Variants in TMEM161B observed in about 807,000 individuals in gnomAD.
TMEM161B encodes transmembrane protein 161B.
TMEM161B carries 34 observed loss-of-function variants against 61.8 expected under a neutral mutation model. The observed-to-expected ratio is 0.55, with a 90% CI of 0.42 to 0.73. The LOEUF (loss-of-function observed/expected upper bound fraction) is 0.73, where lower values mean the gene tolerates loss of function less well. Ranked by LOEUF, TMEM161B falls within the 30% of genes least tolerant of loss-of-function variation. The pLI, the probability that TMEM161B is intolerant of heterozygous loss-of-function variation, is 0.00. For missense variants in TMEM161B, 456 were observed against 558.5 expected (o/e 0.82, Z 1.85); for synonymous variants, 167 against 192.8 (o/e 0.87, Z 1.11).
chr5:88,234,684 T>C (rs1469486063), intron 2 of TMEM161B, among the ~76,000 whole-genome samples: 1 of 152,154 alleles, frequency 6.6e-6, no homozygotes, highest in African/African-American at 2.4e-5. Flanking sequence ...TAAAAGTCAT[T>C]AGAATGTAGC....
At chr5:88,237,446 G>A (rs1580607201) in intron 2 of TMEM161B, among the ~76,000 whole-genome samples, 2 of 152,184 alleles carry the variant, frequency 1.3e-5, no homozygotes, top group African/African-American at 4.8e-5. Flanking sequence ...GAGGATAGCT[G>A]AGCCCTTGAG....
rs950744595 is a variant in TMEM161B at position 88,246,517 on chromosome 5, T to C, written c.4-5601A>G. On this transcript the variant is annotated intron_variant, in intron 1 of 11. Coordinates refer to ENST00000296595, the MANE Select transcript of TMEM161B (RefSeq NM_153354.5). ...AAAATCAATTTTTAAGATATTACTA[T>C]GCAATTGACAATTACAGTGTACATG... 3.9e-5 allele frequency among the ~76,000 whole-genome samples: 6 copies of C among 151,970 alleles called. No homozygotes were observed. The South Asian group carries it at 6.2e-4, about 16-fold the overall frequency.
rs1580305348 is a variant in TMEM161B at position 88,195,510 on chromosome 5, C to A, written c.*701G>T. 1 of 984,722 alleles carries A rather than the reference C, an allele frequency of 1.0e-6. No homozygotes were observed. The highest frequency in any genetic ancestry group is 1.7e-5 in the African/African-American group (1 of 57,144). 61.0% of individuals were successfully genotyped at this position (984,722 alleles called of 1,614,324 possible). On this transcript the variant is annotated 3_prime_UTR_variant, in exon 12 of 12. Transcript: ENST00000296595. ...CAGAATAAAACAAAATATGGCAGGT[C>A]CAAACCTAATGGCAAGATTACAAAT...
intron 1 of TMEM161B, among the ~76,000 whole-genome samples, chr5:88,256,149 T>C (rs146412114): frequency 0.011 from 1,621 of 152,264 alleles, 14 homozygotes; most frequent in Non-Finnish European, 0.017. Flanking sequence ...TTTTAACATA[T>C]TGGTGTTCAA....
rs776355733 is a variant in TMEM161B, at chr5:88,207,037, A to C, written c.590T>G (p.Leu197Arg). ...IVTENYLEFGLETGFTNFSDS... is the reference protein window; with the variant it reads ...IVTENYLEFGRETGFTNFSDS... ...TTGTATGAAACTATTACCTGTTTCAAGTCCAAATTCCAGATAATTTTCTGT... is the reference window on the plus strand; with the variant it reads ...TTGTATGAAACTATTACCTGTTTCACGTCCAAATTCCAGATAATTTTCTGT... The change falls in exon 6 of 12, where the codon CTT (leucine) becomes CGT (arginine). Residue 197 changes from leucine to arginine, a missense_variant. By Grantham distance (102) the Leu-to-Arg change is moderately radical. Around this residue, in one of 3 missense-constraint regions of TMEM161B, gnomAD observed 367 missense variants for 427.3 expected, o/e 0.86. Transcript: ENST00000296595. 1 of 1,611,576 alleles carries C rather than the reference A, an allele frequency of 6.2e-7. No homozygotes were observed. Among genetic ancestry groups the C allele is most frequent in the Non-Finnish European group, 8.5e-7 (1 of 1,179,400 alleles).
In TMEM161B at chr5:88,268,800, G is replaced by C. The variant is rs373539199; in HGVS notation, c.-77C>G. The C allele has an allele frequency of 7.5e-6, 12 of 1,609,378 alleles. No individual in the cohort carries two copies. Among genetic ancestry groups the C allele is most frequent in the Admixed American group, 1.7e-5 (1 of 59,440 alleles). On this transcript the variant is annotated 5_prime_UTR_variant, in exon 1 of 12. Transcript: ENST00000296595. ...CCAAACCTCTTACCTCCCGGTCCTT[G>C]AGCCGAGAGACTCTCAAACAGCGAA...
chr5:88,189,128 A>C (rs1748551141), downstream of TMEM161B, among the ~76,000 whole-genome samples: 1 of 152,152 alleles, frequency 6.6e-6, no homozygotes, highest in African/African-American at 2.4e-5. Context: ...GTTATAGCAC[A>C]CATCAGTCTG....
intron 1 of TMEM161B, among the ~76,000 whole-genome samples, chr5:88,262,833 A>G (rs1301710995): frequency 6.6e-6 from 1 of 152,160 alleles, no homozygotes; most frequent in African/African-American, 2.4e-5. Flanking sequence ...CATGTGTGGG[A>G]GCAGGGAATA....
intron 5 of TMEM161B, among the ~76,000 whole-genome samples, chr5:88,219,332 A>G (rs925705132): frequency 6.6e-6 from 1 of 152,220 alleles, no homozygotes; most frequent in Non-Finnish European, 1.5e-5. Flanking sequence ...GGCAATAGTT[A>G]AAGCTTAAAA....
At chr5:88,253,175 T>C (rs1461385420) in intron 1 of TMEM161B, among the ~76,000 whole-genome samples, 1 of 152,176 alleles carries the variant, frequency 6.6e-6, no homozygotes. Context: ...AATTACTCTC[T>C]TTGGATATGT....
intron 1 of TMEM161B, among the ~76,000 whole-genome samples, chr5:88,263,249 C>T (rs1755915384): frequency 6.6e-6 from 1 of 152,124 alleles, no homozygotes; most frequent in South Asian, 2.1e-4. Context: ...CATTTTCTAT[C>T]CCCTTACTCT....
chr5:88,204,860 GAC>G (rs1195828417), intron 8 of TMEM161B, among the ~76,000 whole-genome samples: 1 of 134,194 alleles, frequency 7.5e-6, no homozygotes, highest in East Asian at 1.9e-4. Flanking sequence ...AAAAAAAAAA[GAC>G]AGTCAAAATT....
intron 8 of TMEM161B, among the ~76,000 whole-genome samples, chr5:88,205,204 A>G (rs1454970427): frequency 6.6e-6 from 1 of 152,178 alleles, no homozygotes; most frequent in Non-Finnish European, 1.5e-5. Context: ...TGAAGATGAA[A>G]TGTGACTTGT....
chr5:88,206,786 T>C (rs912088507), intron 6 of TMEM161B, among the ~76,000 whole-genome samples: 32 of 151,994 alleles, frequency 2.1e-4, no homozygotes, highest in Admixed American at 2.0e-4. Context: ...CAGAAACTTA[T>C]TTAACTGTAA....
chr5:88,191,691 C>G (rs377130080), downstream of TMEM161B, among the ~76,000 whole-genome samples: 51 of 151,976 alleles, frequency 3.4e-4, no homozygotes, highest in East Asian at 7.8e-3. Flanking sequence ...GGCGCGGTGG[C>G]CCACGCCTGT....
downstream of TMEM161B, among the ~76,000 whole-genome samples, chr5:88,187,903 A>G (rs1468083431): frequency 6.6e-6 from 1 of 152,128 alleles, no homozygotes; most frequent in Non-Finnish European, 1.5e-5. Flanking sequence ...TTTGTTCTAC[A>G]ATGGGTTAAA....
chr5:88,247,634 C>T (rs753463622), intron 1 of TMEM161B, among the ~76,000 whole-genome samples: 12 of 152,006 alleles, frequency 7.9e-5, no homozygotes, highest in Non-Finnish European at 1.8e-4. Flanking sequence ...ATTTATACTC[C>T]AAAAGAAGAT....
intron 4 of TMEM161B, among the ~76,000 whole-genome samples, chr5:88,222,984 T>A (rs1320559521): frequency 6.6e-6 from 1 of 151,922 alleles, no homozygotes; most frequent in Non-Finnish European, 1.5e-5. Context: ...TATGAACATC[T>A]CCCTGCTATT....
At chr5:88,225,736 A>G in intron 4 of TMEM161B, 33 bp downstream of exon 4, 1 of 1,395,690 alleles carries the variant, frequency 7.2e-7, no homozygotes, top group South Asian at 1.2e-5. Flanking sequence ...TAAAACTGAG[A>G]TTTATAGAAC....
Sources: allele counts gnomAD v4.1 joint callset (sites outside exome capture counted in the v4.1 genomes callset), GRCh38; gene constraint gnomAD v4.1.1; regional missense constraint gnomAD v4.1.1; transcripts MANE v1.5; gene names NCBI Gene and HGNC (gene_info 2026-07-23, HGNC 2026-07-21).